PTPRK: variants seen among roughly 807,000 people sequenced by gnomAD.
The protein encoded by PTPRK is protein tyrosine phosphatase receptor type K.
In PTPRK, 75 loss-of-function variants were observed where a neutral mutation model predicts 178.0. The ratio of observed to expected loss-of-function variants is 0.42; its 90% CI spans 0.35 to 0.51. The LOEUF (loss-of-function observed/expected upper bound fraction) is 0.51, where lower values mean the gene tolerates loss of function less well. PTPRK is among the 20% of genes least tolerant of loss of function. PTPRK has a pLI of 0.02. For synonymous variants in PTPRK, 637 were observed against 620.6 expected (o/e 1.03, Z -0.39); for missense variants, 1,441 against 1,797.8 (o/e 0.80, Z 3.59).
intron 6 of PTPRK, among the ~76,000 whole-genome samples, chr6:128,212,277 A>G (rs1417899869): frequency 2.0e-5 from 3 of 152,032 alleles, no homozygotes; most frequent in Non-Finnish European, 4.4e-5. Flanking sequence ...ACATCATAAT[A>G]TGCACTTGCC....
chr6:128,206,134 A>G lies in PTPRK; in HGVS notation c.868+12788T>C, dbSNP rs369899586. Among the ~76,000 whole-genome samples, 101 of 152,182 alleles carry G rather than the reference A, an allele frequency of 6.6e-4. 4 individuals carry two copies. In the South Asian group the frequency reaches 0.019, roughly 29 times the overall value. ...ATCTTAGTCATTTTATTAGCAATAAATCCAATAATTAACACATGGTGATCC... is the reference window on the plus strand; with the variant it reads ...ATCTTAGTCATTTTATTAGCAATAAGTCCAATAATTAACACATGGTGATCC... On this transcript the variant is annotated intron_variant, in intron 6 of 29. Transcript: ENST00000368226.
chr6:128,234,201 T>C (rs1812811662), intron 5 of PTPRK, among the ~76,000 whole-genome samples: 1 of 152,222 alleles, frequency 6.6e-6, no homozygotes, highest in Admixed American at 6.5e-5. Context: ...TTGAATGTAA[T>C]CAAATCACTT....
intron 7 of PTPRK, among the ~76,000 whole-genome samples, chr6:128,148,504 T>C (rs993172755): frequency 2.0e-5 from 3 of 152,146 alleles, no homozygotes; most frequent in African/African-American, 7.2e-5. Flanking sequence ...GGGATTATTG[T>C]AGAAGGTGAT....
At chr6:128,404,930 A>G (rs993386081) in intron 1 of PTPRK, among the ~76,000 whole-genome samples, 4 of 152,168 alleles carry the variant, frequency 2.6e-5, no homozygotes, top group Admixed American at 1.3e-4. Flanking sequence ...AGGATTAGCC[A>G]TTTTCAGAAT....
At chr6:128,106,907 T>G (rs1329109762) in intron 7 of PTPRK, among the ~76,000 whole-genome samples, 1 of 152,154 alleles carries the variant, frequency 6.6e-6, no homozygotes, top group Non-Finnish European at 1.5e-5. Context: ...TTTTAGTATT[T>G]TTTTGTAAAG....
chr6:128,115,778 A>G (rs898587393), intron 7 of PTPRK, among the ~76,000 whole-genome samples: 2 of 152,148 alleles, frequency 1.3e-5, no homozygotes, highest in African/African-American at 4.8e-5. Flanking sequence ...TTCACATGGT[A>G]TTACAGTGAA....
chr6:128,105,086 G>A (rs1789456055), intron 7 of PTPRK, among the ~76,000 whole-genome samples: 1 of 150,720 alleles, frequency 6.6e-6, no homozygotes, highest in South Asian at 2.1e-4. Context: ...CTCAACTAGA[G>A]AGCAAGTTTC....
chr6:128,099,926 C>T (rs1394984407), intron 7 of PTPRK, among the ~76,000 whole-genome samples: 2 of 151,830 alleles, frequency 1.3e-5, no homozygotes, highest in African/African-American at 2.4e-5. Context: ...TGCAGAAATC[C>T]CTGTACATTT....
intron 1 of PTPRK, among the ~76,000 whole-genome samples, chr6:128,509,676 G>T (rs1856893355): frequency 6.6e-6 from 1 of 151,952 alleles, no homozygotes; most frequent in African/African-American, 2.4e-5. Flanking sequence ...ATTCTTCATT[G>T]TAATATTCTC....
rs1285782432 is a variant in PTPRK at position 127,970,120 on chromosome 6, A to AC, written c.*106dup. 83 of 776,760 alleles carry AC rather than the reference A, an allele frequency of 1.1e-4. No individual in the cohort carries two copies. Among genetic ancestry groups the AC allele is most frequent in the Non-Finnish European group, 3.4e-5 (17 of 493,720 alleles). 48.1% of individuals were successfully genotyped at this position (776,760 alleles called of 1,614,324 possible). A position where few individuals can be genotyped will look rare whatever the true frequency, so the allele number is the denominator to read the frequency against. ...TACCTCTCAAATGTAAAAGTCTCCC[A>AC]CCCCCCACATTAAAATCTTTCTGCA... On this transcript the variant is annotated 3_prime_UTR_variant, in exon 30 of 30. Coordinates refer to ENST00000368226, the MANE Select transcript of PTPRK (RefSeq NM_002844.4).
chr6:128,445,199 T>TA (rs1491322640), intron 1 of PTPRK, among the ~76,000 whole-genome samples: 17 of 119,990 alleles, frequency 1.4e-4, no homozygotes, highest in African/African-American at 4.3e-4. Flanking sequence ...TACTATTTTA[T>TA]TTATATATAT....
At chr6:128,365,501 A>T (rs1305327473) in intron 2 of PTPRK, among the ~76,000 whole-genome samples, 1 of 152,158 alleles carries the variant, frequency 6.6e-6, no homozygotes, top group Non-Finnish European at 1.5e-5. Context: ...ATGCCTTCTG[A>T]AGTCTTTTAT....
intron 7 of PTPRK, among the ~76,000 whole-genome samples, chr6:128,098,587 G>T (rs568867538): frequency 6.6e-6 from 1 of 152,182 alleles, no homozygotes; most frequent in East Asian, 1.9e-4. Flanking sequence ...TAATTAATAC[G>T]TGCCTGCTCT....
At chr6:128,326,920 G>A (rs1829660455) in intron 2 of PTPRK, among the ~76,000 whole-genome samples, 2 of 151,880 alleles carry the variant, frequency 1.3e-5, no homozygotes, top group African/African-American at 4.8e-5. Flanking sequence ...AAACACAAGC[G>A]TGTTTTTTAA....
chr6:128,283,994 G>A (rs969461167), intron 3 of PTPRK, among the ~76,000 whole-genome samples: 2 of 152,138 alleles, frequency 1.3e-5, no homozygotes, highest in African/African-American at 4.8e-5. Context: ...ATTTATTGCA[G>A]GTTAAAATTT....
intron 3 of PTPRK, among the ~76,000 whole-genome samples, chr6:128,279,420 AAC>A (rs1017290946): frequency 2.6e-5 from 4 of 152,184 alleles, no homozygotes; most frequent in African/African-American, 9.7e-5. Flanking sequence ...TTTAATTAAA[AAC>A]ACAAAATAAC....
Position 128,261,179 on chromosome 6 carries a change from C to T in PTPRK, c.496-18577G>A, listed in dbSNP as rs561359124. On this transcript the variant is annotated intron_variant, in intron 3 of 29. Coordinates refer to ENST00000368226, the MANE Select transcript of PTPRK (RefSeq NM_002844.4). ...AAATAAAACTTTCAAAAAAGAAAAA[C>T]CCATCAATTTTTGTTCAAACATATT... Among the ~76,000 whole-genome samples the T allele has an allele frequency of 2.5e-3, 381 of 152,108 alleles. 1 individual carries two copies. Among genetic ancestry groups the T allele is most frequent in the African/African-American group, 8.7e-3 (361 of 41,500 alleles).
At chr6:128,463,740 G>A (rs929612447) in intron 1 of PTPRK, among the ~76,000 whole-genome samples, 62 of 135,860 alleles carry the variant, frequency 4.6e-4, no homozygotes, top group African/African-American at 1.5e-3. Context: ...CAATCTTCAC[G>A]GTTTTTTTTT....
At chr6:128,323,392 CTTT>C (rs899547045) in intron 2 of PTPRK, among the ~76,000 whole-genome samples, 12 of 152,012 alleles carry the variant, frequency 7.9e-5, no homozygotes, top group African/African-American at 2.9e-4. Flanking sequence ...TGTAAAATAT[CTTT>C]TTTCTTTGCT....
Sources: allele counts gnomAD v4.1 joint callset (sites outside exome capture counted in the v4.1 genomes callset), GRCh38; gene constraint gnomAD v4.1.1; transcripts MANE v1.5; gene names NCBI Gene and HGNC (gene_info 2026-07-23, HGNC 2026-07-21).